Variants in GBF1 observed in about 807,000 individuals in gnomAD.
GBF1 encodes golgi brefeldin A resistant guanine nucleotide exchange factor 1, also known as Golgi-specific brefeldin A-resistance guanine nucleotide exchange factor 1.
GBF1 carries 114 observed loss-of-function variants against 210.5 expected under a neutral mutation model. The observed-to-expected ratio is 0.54, with a 90% CI of 0.47 to 0.63. The LOEUF (loss-of-function observed/expected upper bound fraction) is 0.63, where lower values mean the gene tolerates loss of function less well. Ranked by LOEUF, GBF1 falls within the 30% of genes least tolerant of loss-of-function variation. The probability of loss-of-function intolerance (pLI) is 0.00; values close to 1 mark genes in which losing one functional copy is unlikely to be tolerated. For synonymous variants in GBF1, 850 were observed against 889.2 expected, an observed-to-expected ratio of 0.96 and a Z score of 0.78; for missense variants, 1,851 against 2,357.7, an observed-to-expected ratio of 0.79 and a Z score of 4.45.
chr10:102,361,105 C>A lies in GBF1; in HGVS notation c.1476C>A (p.Leu492=). 2 of 1,582,000 alleles carry A rather than the reference C, an allele frequency of 1.3e-6. No homozygotes were observed. Among genetic ancestry groups the A allele is most frequent in the Non-Finnish European group, 1.7e-6 (2 of 1,150,710 alleles). ...FLLFESMREH[L]KFQMEMYIKK... ...TGTTTGAGAGCATGCGAGAGCACCT[C>A]AAGTTCCAAATGGAGGTGAGTTTCT... The change falls in exon 13 of 40, where the codon CTC becomes CTA. Residue 492 remains leucine, a synonymous_variant. Coordinates refer to ENST00000369983, the MANE Select transcript of GBF1 (RefSeq NM_001377137.1).
upstream of GBF1, among the ~76,000 whole-genome samples, chr10:102,243,954 A>AC (rs1264281160): frequency 1.4e-4 from 21 of 152,146 alleles, no homozygotes; most frequent in Admixed American, 3.9e-4. Flanking sequence ...ACATGGTGAA[A>AC]CCCCATCTCT....
Position 102,366,432 on chromosome 10 carries a change from C to T in GBF1, c.2359C>T (p.Leu787=), listed in dbSNP as rs2059914974. The T allele has an allele frequency of 6.2e-7, 1 of 1,613,936 alleles. No homozygotes were observed. Among genetic ancestry groups the T allele is most frequent in the Admixed American group, 1.7e-5 (1 of 60,006 alleles). The change falls in exon 19 of 40, where the codon CTG becomes TTG. Residue 787 remains leucine, a synonymous_variant. Transcript: ENST00000369983. The surrounding 1 kb of genome is among the most constrained non-coding windows in gnomAD (Gnocchi z 4.0). ...LRLDEALRLY[L]EAFRLPGEAP... is the part of the protein sequence containing the mutation. ...ACTGGACGAAGCCCTCCGCCTCTAC[C>T]TGGAAGCCTTCCGTTTGCCTGGGGA...
At chr10:102,254,529 G>T (rs1313555337) in intron 1 of GBF1, among the ~76,000 whole-genome samples, 2 of 152,162 alleles carry the variant, frequency 1.3e-5, no homozygotes, top group Non-Finnish European at 2.9e-5. Context: ...GATATAGACA[G>T]AGTTGCCAAG....
In GBF1 at chr10:102,358,205, T is replaced by C; in HGVS notation, c.787+19T>C. On this transcript the variant is annotated intron_variant, in intron 9 of 39. Transcript: ENST00000369983. ...CTCACTGGTGAGTGCCCTGGACTAC[T>C]TCCTCTGATTAGACAAAAGAAGAGC... 10 of 1,602,760 alleles carry C rather than the reference T, an allele frequency of 6.2e-6. No individual in the cohort carries two copies. The highest frequency in any genetic ancestry group is 8.5e-6 in the Non-Finnish European group (10 of 1,172,216).
the GBF1 span, among the ~76,000 whole-genome samples, chr10:102,239,611 G>A: frequency 2.0e-5 from 3 of 152,228 alleles, no homozygotes; most frequent in East Asian, 1.9e-4. Flanking sequence ...TGGGGAATAC[G>A]TATTGTATGT....
chr10:102,365,301 G>A (rs1223220950), intron 17 of GBF1, 96 bp from the exon 18 acceptor site: 2 of 861,862 alleles, frequency 2.3e-6, no homozygotes, highest in Non-Finnish European at 3.8e-6. Context: ...GAGCTTTTTA[G>A]CTGACCAACT....
chr10:102,253,937 T>G (rs1245398188), intron 1 of GBF1, among the ~76,000 whole-genome samples: 2 of 152,272 alleles, frequency 1.3e-5, no homozygotes, highest in Non-Finnish European at 2.9e-5. Flanking sequence ...TTATTTGCTG[T>G]TTATGTTTCC....
At chr10:102,243,772 A>G (rs2070610013), upstream of GBF1, among the ~76,000 whole-genome samples, 2 of 152,164 alleles carry the variant, frequency 1.3e-5, no homozygotes, top group Non-Finnish European at 2.9e-5. Flanking sequence ...CCAGAAGCCC[A>G]ATGTGCAGGT....
chr10:102,253,584 G>C (rs1045130536), intron 1 of GBF1, among the ~76,000 whole-genome samples: 1 of 152,082 alleles, frequency 6.6e-6, no homozygotes, highest in Non-Finnish European at 1.5e-5. Context: ...TGTGATCGTG[G>C]CTCACTGCAG....
chr10:102,335,974 GA>G (rs2057700685), intron 3 of GBF1, among the ~76,000 whole-genome samples: 1 of 152,034 alleles, frequency 6.6e-6, no homozygotes, highest in African/African-American at 2.4e-5. Flanking sequence ...GTCAAAGGTA[GA>G]ATTTTTATAT....
In GBF1 at chr10:102,365,484, A is replaced by G. The variant is rs374546968; in HGVS notation, c.2194A>G (p.Met732Val). The change falls in exon 18 of 40, where the codon ATG becomes GTG. Residue 732 changes from methionine (M) to valine (V), a missense_variant. By Grantham distance (21) the Met-to-Val change is conservative. This residue lies in a region of GBF1 where 804 missense variants were observed against 958.6 expected (regional missense o/e 0.84). Transcript: ENST00000369983. ...AGAGAAAGGCCTCCTCACCATCCCA[A>G]TGGACAACACAGAGGTTGCTCAGTG... Reference protein sequence around the residue: ...LQEKGLLTIPMDNTEVAQWLR... With the variant: ...LQEKGLLTIPVDNTEVAQWLR... 19 of 1,613,876 alleles carry G rather than the reference A, an allele frequency of 1.2e-5. No individual in the cohort carries two copies. Among genetic ancestry groups the G allele is most frequent in the East Asian group, 2.2e-5 (1 of 44,902 alleles).
chr10:102,374,006 G>T (rs550928762), intron 29 of GBF1, among the ~76,000 whole-genome samples: 1 of 152,190 alleles, frequency 6.6e-6, no homozygotes, highest in Non-Finnish European at 1.5e-5. Flanking sequence ...AAAAGGTTAT[G>T]TAATATATAA....
intron 3 of GBF1, among the ~76,000 whole-genome samples, chr10:102,325,018 C>T (rs2056768985): frequency 6.6e-6 from 1 of 152,196 alleles, no homozygotes; most frequent in Middle Eastern, 3.2e-3. Flanking sequence ...CCACAGTATG[C>T]ACTCTACATA....
chr10:102,369,122 C>T, intron 23 of GBF1, 89 bp from the exon 24 acceptor site: 1 of 979,524 alleles, frequency 1.0e-6, no homozygotes, highest in Non-Finnish European at 1.6e-6. Context: ...ACAAAAGGAC[C>T]TGAGGGAACC....
chr10:102,369,730 C>A lies in GBF1; in HGVS notation c.3170C>A (p.Pro1057His). The A allele has an allele frequency of 6.2e-7, 1 of 1,614,032 alleles. No individual in the cohort carries two copies. Among genetic ancestry groups the A allele is most frequent in the Non-Finnish European group, 8.5e-7 (1 of 1,179,944 alleles). ...AMIEVEDFVD[P>H]NGKISLQREE... ...TTCCAGGTAGAAGATTTCGTGGATCCCAATGGCAAGATCTCTCTACAGCGG... is the reference window on the plus strand; with the variant it reads ...TTCCAGGTAGAAGATTTCGTGGATCACAATGGCAAGATCTCTCTACAGCGG... The change falls in exon 25 of 40, where the codon CCC (proline) becomes CAC (histidine). Residue 1057 changes from proline to histidine, a missense_variant. By Grantham distance (77) the Pro-to-His change is moderately conservative (BLOSUM62 -2). Transcript: ENST00000369983.
At chr10:102,261,925 A>G (rs544351310) in intron 3 of GBF1, among the ~76,000 whole-genome samples, 2 of 150,480 alleles carry the variant, frequency 1.3e-5, no homozygotes, top group East Asian at 2.0e-4. Flanking sequence ...CTCAGCCCAT[A>G]TTTTCTTTTT....
intron 3 of GBF1, among the ~76,000 whole-genome samples, chr10:102,342,273 G>A (rs1589703778): frequency 1.3e-5 from 2 of 151,978 alleles, no homozygotes; most frequent in South Asian, 2.1e-4. Context: ...TCCTGACCTC[G>A]TGATGCGCCC....
rs180684286 is a variant in GBF1 at position 102,364,320 on chromosome 10, G to A, written c.2106+522G>A. On this transcript the variant is annotated intron_variant, in intron 17 of 39. Transcript: ENST00000369983. Reference sequence around the variant, plus strand: ...GCTCACTGCAACCTCCACCTACCGGGTTCAAGCAATTCTTCTGCCTCAGGC... The same window carrying A: ...GCTCACTGCAACCTCCACCTACCGGATTCAAGCAATTCTTCTGCCTCAGGC... Among the ~76,000 whole-genome samples, 265 of 149,362 alleles carry A rather than the reference G, an allele frequency of 1.8e-3. 3 individuals are homozygous for A. Among genetic ancestry groups the A allele is most frequent in the Admixed American group, 0.016 (244 of 15,008 alleles).
intron 3 of GBF1, among the ~76,000 whole-genome samples, chr10:102,325,667 T>A (rs939124889): frequency 1.1e-4 from 17 of 152,024 alleles, no homozygotes; most frequent in African/African-American, 2.7e-4. Flanking sequence ...TGTTTTTTTT[T>A]AAGACACAGT....
Sources: allele counts gnomAD v4.1 joint callset (sites outside exome capture counted in the v4.1 genomes callset), GRCh38; gene constraint gnomAD v4.1.1; regional missense constraint gnomAD v4.1.1; non-coding constraint Gnocchi (gnomAD v3.1); transcripts MANE v1.5; gene names NCBI Gene and HGNC (gene_info 2026-07-23, HGNC 2026-07-21).